The following GOLGA1 variants were observed in gnomAD, a reference collection of about 807,000 sequenced individuals.
GOLGA1 encodes golgin subfamily A member 1.
GOLGA1 carries 63 observed loss-of-function variants against 119.7 expected under a neutral mutation model. That is an observed-to-expected ratio of 0.53 (90% CI 0.43 to 0.65). GOLGA1 has a LOEUF of 0.65. Among genes scored for constraint, GOLGA1 ranks in the 30% least tolerant of loss-of-function variants. The pLI is 0.00. For missense variants in GOLGA1, 798 were observed against 912.8 expected (o/e 0.87, Z 1.62); for synonymous variants, 318 against 333.4 (o/e 0.95, Z 0.50).
intron 12 of GOLGA1, among the ~76,000 whole-genome samples, chr9:124,904,230 T>C (rs1361659815): frequency 6.6e-6 from 1 of 152,008 alleles, no homozygotes; most frequent in African/African-American, 2.4e-5. Context: ...ATCTAGAGTG[T>C]CCAAACTCAA....
rs1348914631 is a variant in GOLGA1, at chr9:124,878,870, T to G, written c.*1660A>C. On this transcript the variant is annotated 3_prime_UTR_variant, in exon 23 of 23. Coordinates refer to ENST00000373555, the MANE Select transcript of GOLGA1 (RefSeq NM_002077.4). The stretch of plus-strand genomic sequence containing the variant: ...AATCCTACTTTGAAAAAAGGCTACC[T>G]CTTACCCATCAAACTTGCAGAACAG... 6.6e-6 allele frequency: 1 copy of G among 152,220 alleles called. No individual in the cohort carries two copies. Among genetic ancestry groups the G allele is most frequent in the Non-Finnish European group, 1.5e-5 (1 of 68,044 alleles). 9.4% of individuals were successfully genotyped at this position (152,220 alleles called of 1,614,324 possible).
intron 7 of GOLGA1, among the ~76,000 whole-genome samples, chr9:124,923,662 T>C (rs551306967): frequency 1.3e-5 from 2 of 152,206 alleles, no homozygotes; most frequent in East Asian, 3.9e-4. Context: ...AACTTTTTTT[T>C]TTTTTTGGTA....
At chr9:124,918,783 A>G (rs1830503903) in intron 10 of GOLGA1, among the ~76,000 whole-genome samples, 1 of 151,960 alleles carries the variant, frequency 6.6e-6, no homozygotes, top group African/African-American at 2.4e-5. Context: ...TACAAAAACC[A>G]AAGTTGTGTA....
In GOLGA1 at chr9:124,889,189, A is replaced by G; in HGVS notation, c.1715T>C (p.Leu572Pro). ...VVAEQEDLLR[L>P]RGPLQAEALS... ...TGCTTCGGCCTGCAATGGGCCCCGC[A>G]GCCTCAGCAGGTCCTCCTGCTCCGC... The change falls in exon 18 of 23, where the codon CTG (leucine) becomes CCG (proline). Residue 572 changes from leucine to proline, a missense_variant. Coordinates refer to ENST00000373555, the MANE Select transcript of GOLGA1 (RefSeq NM_002077.4). 1 of 1,612,730 alleles carries G rather than the reference A, an allele frequency of 6.2e-7. No individual in the cohort carries two copies. The highest frequency in any genetic ancestry group is 1.3e-5 in the African/African-American group (1 of 75,000).
intron 2 of GOLGA1, among the ~76,000 whole-genome samples, chr9:124,939,142 G>GTT (rs78434694): frequency 6.9e-6 from 1 of 145,224 alleles, no homozygotes. Flanking sequence ...AAATCTCTAC[G>GTT]TTTTTTTTTT....
At chr9:124,930,979 C>T (rs1830760741) in intron 4 of GOLGA1, among the ~76,000 whole-genome samples, 1 of 152,220 alleles carries the variant, frequency 6.6e-6, no homozygotes, top group African/African-American at 2.4e-5. Flanking sequence ...TGGCCATTCC[C>T]TTTAAATACT....
chr9:124,914,723 G>T (rs1055927632), intron 10 of GOLGA1, among the ~76,000 whole-genome samples: 3 of 152,226 alleles, frequency 2.0e-5, no homozygotes, highest in Admixed American at 2.0e-4. Context: ...TTAGGGACTA[G>T]CCCAAAGGCA....
At chr9:124,895,413 C>T (rs139500204) in intron 15 of GOLGA1, among the ~76,000 whole-genome samples, 6 of 140,988 alleles carry the variant, frequency 4.3e-5, no homozygotes, top group East Asian at 4.6e-4. Context: ...ACAACAGAGA[C>T]GCTCCACAAC....
chr9:124,895,690 G>C lies in GOLGA1; in HGVS notation c.1407+2859C>G, dbSNP rs189298270. Among the ~76,000 whole-genome samples the C allele has an allele frequency of 4.1e-4, 59 of 145,616 alleles. 1 individual carries two copies. The highest frequency in any genetic ancestry group is 4.0e-3 in the Admixed American group (58 of 14,644). ...CACAACAGAGACCCTCCACAACAGA[G>C]AACCCTCCACAACACAGAACCCTCC... On this transcript the variant is annotated intron_variant, in intron 15 of 22. Coordinates refer to ENST00000373555, the MANE Select transcript of GOLGA1 (RefSeq NM_002077.4).
At chr9:124,911,832 G>C in intron 11 of GOLGA1, 69 bp downstream of exon 11, 2 of 1,386,044 alleles carry the variant, frequency 1.4e-6, no homozygotes, top group Non-Finnish European at 2.0e-6. Context: ...GAAACTCTAG[G>C]AATTGTGAAG....
At chr9:124,918,295 G>A (rs1354051470) in intron 10 of GOLGA1, among the ~76,000 whole-genome samples, 1 of 152,180 alleles carries the variant, frequency 6.6e-6, no homozygotes, top group Non-Finnish European at 1.5e-5. Flanking sequence ...GGCAAGAACT[G>A]TATCTATTTT....
At chr9:124,892,778 C>A (rs1008744767) in intron 15 of GOLGA1, among the ~76,000 whole-genome samples, 3 of 151,858 alleles carry the variant, frequency 2.0e-5, no homozygotes, top group Non-Finnish European at 4.4e-5. Flanking sequence ...ACTGAAAACA[C>A]AAAATTAGCC....
intron 6 of GOLGA1, among the ~76,000 whole-genome samples, chr9:124,927,022 T>C (rs1016525093): frequency 6.6e-6 from 1 of 152,206 alleles, no homozygotes; most frequent in African/African-American, 2.4e-5. Flanking sequence ...AAAAGCTGTA[T>C]CTGCTGTTCT....
chr9:124,938,008 C>T (rs2131542695), intron 3 of GOLGA1, among the ~76,000 whole-genome samples: 1 of 149,342 alleles, frequency 6.7e-6, no homozygotes, highest in South Asian at 2.1e-4. Flanking sequence ...GCTTGAGCCC[C>T]AGAGGCAGAG....
At chr9:124,903,527 C>CG (rs1564331353) in intron 12 of GOLGA1, among the ~76,000 whole-genome samples, 2 of 149,888 alleles carry the variant, frequency 1.3e-5, no homozygotes, top group African/African-American at 4.9e-5. Flanking sequence ...GCTTACAGAA[C>CG]GGGGGCTCGT....
chr9:124,911,910 G>T lies in GOLGA1; in HGVS notation c.960C>A (p.Leu320=). ...NLSGEEHLQE[L]LKEKTLAEQN... is the part of the protein sequence containing the mutation. ...AGAGAACAGAAGTTACCTCTTTCAG[G>T]AGTTCTTGCAAGTGTTCTTCTCCTG... Residue 320 remains leucine, a synonymous_variant, in exon 11 of 23, where the codon CTC becomes CTA. Coordinates refer to ENST00000373555, the MANE Select transcript of GOLGA1 (RefSeq NM_002077.4). 6.2e-7 allele frequency: 1 copy of T among 1,612,358 alleles called. No homozygotes were observed. The highest frequency in any genetic ancestry group is 1.1e-5 in the South Asian group (1 of 90,958).
chr9:124,882,784 T>C (rs887647482), intron 19 of GOLGA1, among the ~76,000 whole-genome samples: 3 of 151,964 alleles, frequency 2.0e-5, no homozygotes, highest in Non-Finnish European at 4.4e-5. Context: ...CACGCTTGAG[T>C]CTCCACGTCC....
intron 11 of GOLGA1, among the ~76,000 whole-genome samples, chr9:124,910,087 C>G (rs551197600): frequency 2.0e-5 from 3 of 152,102 alleles, no homozygotes; most frequent in Non-Finnish European, 2.9e-5. Context: ...TGTGCCACCA[C>G]GCCCAGCTAA....
intron 15 of GOLGA1, among the ~76,000 whole-genome samples, chr9:124,894,732 T>C (rs1279160433): frequency 2.6e-5 from 4 of 152,196 alleles, no homozygotes; most frequent in Non-Finnish European, 5.9e-5. Flanking sequence ...CTGCCAGCAG[T>C]GCTTTTGCCC....
Sources: allele counts gnomAD v4.1 joint callset (sites outside exome capture counted in the v4.1 genomes callset), GRCh38; gene constraint gnomAD v4.1.1; transcripts MANE v1.5; gene names NCBI Gene and HGNC (gene_info 2026-07-23, HGNC 2026-07-21).